Variants in COL27A1 observed in about 807,000 individuals in gnomAD.
The protein encoded by COL27A1 is collagen type XXVII alpha 1 chain.
A neutral mutation model predicts 251.3 loss-of-function variants in COL27A1; 106 were observed. The ratio of observed to expected loss-of-function variants is 0.42; its 90% CI spans 0.36 to 0.50. COL27A1 has a LOEUF of 0.50. COL27A1 is among the 20% of genes least tolerant of loss of function. The pLI is 0.00. For synonymous variants in COL27A1, 1,000 were observed against 986.3 expected, an observed-to-expected ratio of 1.01 and a Z score of -0.26; for missense variants, 2,325 against 2,522.8, an observed-to-expected ratio of 0.92 and a Z score of 1.68.
At chr9:114,244,935 G>A (rs1833010218) in intron 23 of COL27A1, among the ~76,000 whole-genome samples, 1 of 152,172 alleles carries the variant, frequency 6.6e-6, no homozygotes, top group Non-Finnish European at 1.5e-5. Context: ...CAATGTGAAA[G>A]TGGGACAGAG....
intron 12 of COL27A1, among the ~76,000 whole-genome samples, chr9:114,217,485 T>C (rs553397097): frequency 2.2e-4 from 34 of 152,290 alleles, no homozygotes; most frequent in Non-Finnish European, 4.0e-4. Context: ...GCCTGGCAGC[T>C]GCTGTATGTG....
In COL27A1 at chr9:114,250,615, G is replaced by A; in HGVS notation, c.2980G>A (p.Gly994Arg). ...TTGCTTTCGGGAATGTGTCTCATAG[G>A]GATTTATGGGATTCATTGGTCTGGT... ...PGRPGPVGEQ[G>R]FMGFIGLVGE... The change falls in exon 25 of 61, where the codon GGA becomes AGA. Residue 994 changes from glycine (G) to arginine (R), a missense_variant and splice_region_variant. By Grantham distance (125) the Gly-to-Arg change is moderately radical. This residue lies in a region of COL27A1 where 662 missense variants were observed against 795.3 expected (regional missense o/e 0.83). Transcript: ENST00000356083. 2.5e-6 allele frequency: 4 copies of A among 1,611,628 alleles called. No individual in the cohort carries two copies. The highest frequency in any genetic ancestry group is 3.4e-6 in the Non-Finnish European group (4 of 1,177,904).
At chr9:114,288,544 G>T in intron 42 of COL27A1, 33 bp downstream of exon 42, 1 of 1,582,666 alleles carries the variant, frequency 6.3e-7, no homozygotes, top group Non-Finnish European at 8.6e-7. Context: ...ACCATGTGGC[G>T]TCCTAGGTGG....
At chr9:114,302,723 AAAC>A (rs1349353017) in intron 56 of COL27A1, among the ~76,000 whole-genome samples, 1 of 95,606 alleles carries the variant, frequency 1.0e-5, no homozygotes, top group Non-Finnish European at 2.3e-5. Context: ...GAAACAAAAA[AAAC>A]AAAAAAAAAA....
intron 16 of COL27A1, among the ~76,000 whole-genome samples, chr9:114,233,034 G>T (rs937977327): frequency 1.1e-4 from 17 of 152,226 alleles, no homozygotes; most frequent in African/African-American, 4.1e-4. Flanking sequence ...TCGTGCCACT[G>T]CACTCCAGCC....
At chr9:114,242,858 A>G (rs1832853650) in intron 22 of COL27A1, among the ~76,000 whole-genome samples, 1 of 152,240 alleles carries the variant, frequency 6.6e-6, no homozygotes, top group Admixed American at 6.5e-5. Context: ...TTATATTTTT[A>G]GGAGAATTCA....
At chr9:114,195,864 C>A in intron 6 of COL27A1, 95 bp from the exon 7 acceptor site, 1 of 985,074 alleles carries the variant, frequency 1.0e-6, no homozygotes, top group Non-Finnish European at 1.6e-6. Flanking sequence ...TTGGAAACAA[C>A]CAGCCATTGG....
At chr9:114,230,006 G>A (rs1305035955) in intron 14 of COL27A1, among the ~76,000 whole-genome samples, 2 of 152,208 alleles carry the variant, frequency 1.3e-5, no homozygotes, top group African/African-American at 4.8e-5. Context: ...TCCAGACATT[G>A]CTAAGTATTT....
chr9:114,221,504 A>G (rs1831110968), intron 13 of COL27A1, among the ~76,000 whole-genome samples: 1 of 152,192 alleles, frequency 6.6e-6, no homozygotes, highest in African/African-American at 2.4e-5. Flanking sequence ...ATTGCTAATT[A>G]CAATGTCTAG....
intron 28 of COL27A1, among the ~76,000 whole-genome samples, chr9:114,259,574 C>T (rs556304659): frequency 1.3e-5 from 2 of 152,276 alleles, no homozygotes; most frequent in African/African-American, 4.8e-5. Context: ...GCCTCCACTC[C>T]ACTCCCAGAG....
At chr9:114,243,793 G>A (rs775767210) in intron 23 of COL27A1, among the ~76,000 whole-genome samples, 13 of 152,074 alleles carry the variant, frequency 8.5e-5, no homozygotes, top group Admixed American at 2.0e-4. Flanking sequence ...ATGGTGTTTC[G>A]GGCTATTTTA....
intron 2 of COL27A1, among the ~76,000 whole-genome samples, chr9:114,163,497 T>C (rs1429763413): frequency 6.6e-6 from 1 of 152,008 alleles, no homozygotes; most frequent in Non-Finnish European, 1.5e-5. Flanking sequence ...TTCCCTGCTA[T>C]CCCTGAGGGG....
intron 3 of COL27A1, among the ~76,000 whole-genome samples, chr9:114,176,789 C>CTA (rs1827488988): frequency 6.6e-6 from 1 of 152,184 alleles, no homozygotes; most frequent in African/African-American, 2.4e-5. Context: ...AGGGCTCTTG[C>CTA]CCAGTGACCT....
chr9:114,187,740 T>A (rs959151958), intron 5 of COL27A1, among the ~76,000 whole-genome samples: 5 of 152,260 alleles, frequency 3.3e-5, no homozygotes, highest in African/African-American at 4.8e-5. Flanking sequence ...TCACATATGA[T>A]TTAATAGCTT....
chr9:114,301,105 C>T lies in COL27A1; in HGVS notation c.4735C>T (p.Leu1579=), dbSNP rs369039093. 20 of 1,613,370 alleles carry T rather than the reference C, an allele frequency of 1.2e-5. No individual in the cohort carries two copies. Among genetic ancestry groups the T allele is most frequent in the Non-Finnish European group, 1.5e-5 (18 of 1,179,696 alleles). Residue 1579 remains leucine, a synonymous_variant, in exon 52 of 61, where the codon CTG becomes TTG. Transcript: ENST00000356083. ...AGGCATCGTCGGGCCCCTCGGAATC[C>T]TGGGACCTTCGGGACTCCCGGTATG... The part of the protein sequence containing the change: ...KEGIVGPLGI[L]GPSGLPGPKG...
intron 9 of COL27A1, 98 bp downstream of exon 9, chr9:114,205,910 G>C (rs1310042210): frequency 9.0e-7 from 1 of 1,110,102 alleles, no homozygotes; most frequent in Non-Finnish European, 1.3e-6. Flanking sequence ...GGGGGCCAAG[G>C]AGCTGCACCT....
Position 114,310,791 on chromosome 9 carries a change from C to A in COL27A1, c.*96C>A. On this transcript the variant is annotated 3_prime_UTR_variant, in exon 61 of 61. Transcript: ENST00000356083. ...GGGCAGATGGCTCCAGGAGAGGCAGCTCCCCTGCCCAAGGGTCCTTGGGCA... is the reference window on the plus strand; with the variant it reads ...GGGCAGATGGCTCCAGGAGAGGCAGATCCCCTGCCCAAGGGTCCTTGGGCA... 1 of 1,353,894 alleles carries A rather than the reference C, an allele frequency of 7.4e-7. No homozygotes were observed. The allele number at this position is 1,353,894 out of a possible 1,614,324, so 83.9% of individuals were successfully genotyped here.
chr9:114,306,567 C>A lies in COL27A1; in HGVS notation c.4986C>A (p.Ile1662=). ...DRLVLDQGGE[I]FKTLHYLSNL... ...TGGTGCTGGACCAGGGAGGAGAGAT[C>A]TTTAAAACCTTACACTACCTCAGCA... The change falls in exon 58 of 61, where the codon ATC becomes ATA. Residue 1662 remains isoleucine (I), a synonymous_variant. Transcript: ENST00000356083. 6.2e-7 allele frequency: 1 copy of A among 1,614,074 alleles called. No individual in the cohort carries two copies. The highest frequency in any genetic ancestry group is 8.5e-7 in the Non-Finnish European group (1 of 1,180,036).
intron 31 of COL27A1, 55 bp downstream of exon 31, chr9:114,265,165 G>A: frequency 1.2e-5 from 6 of 516,524 alleles, no homozygotes; most frequent in South Asian, 3.3e-5. Flanking sequence ...TGGGGGTGGG[G>A]GGCGGGTGCG....
Sources: allele counts gnomAD v4.1 joint callset (sites outside exome capture counted in the v4.1 genomes callset), GRCh38; gene constraint gnomAD v4.1.1; regional missense constraint gnomAD v4.1.1; transcripts MANE v1.5; gene names NCBI Gene and HGNC (gene_info 2026-07-23, HGNC 2026-07-21).